KLC1: variants seen among roughly 807,000 people sequenced by gnomAD.
The protein encoded by KLC1 is kinesin light chain 1.
Under a neutral mutation model 84.2 loss-of-function variants are expected in KLC1, and 30 were observed. The ratio of observed to expected loss-of-function variants is 0.36; its 90% confidence interval spans 0.27 to 0.48. The LOEUF is 0.48. Among genes scored for constraint, KLC1 ranks in the 20% least tolerant of loss-of-function variants. The pLI, the probability that KLC1 is intolerant of heterozygous loss-of-function variation, is 0.99. For synonymous variants in KLC1, 289 were observed against 293.3 expected (o/e 0.99, Z 0.15); for missense variants, 499 against 805.4 (o/e 0.62, Z 4.60).
Position 103,701,251 on chromosome 14 carries a change from AGCTGGCCC to A in KLC1, c.*54_*61del. ...GATGGGACTGCCGAGTGTGGCCCGGAGCTGGCCCGGGACAGCCAGGGCGGCAGGGAGGG... is the reference window on the plus strand; with the variant it reads ...GATGGGACTGCCGAGTGTGGCCCGGAGGGACAGCCAGGGCGGCAGGGAGGG... On this transcript the variant is annotated 3_prime_UTR_variant, in exon 17 of 17. Coordinates refer to ENST00000334553, the MANE Select transcript of KLC1 (RefSeq NM_001394837.1). 2 of 1,544,206 alleles carry A rather than the reference AGCTGGCCC, an allele frequency of 1.3e-6. No homozygotes were observed. Among genetic ancestry groups the A allele is most frequent in the Non-Finnish European group, 1.8e-6 (2 of 1,142,304 alleles).
At chr14:103,641,610 T>G (rs2077497471) in intron 1 of KLC1, among the ~76,000 whole-genome samples, 1 of 152,032 alleles carries the variant, frequency 6.6e-6, no homozygotes, top group Non-Finnish European at 1.5e-5. Context: ...AATAATTATT[T>G]TTTTGAGACA....
At chr14:103,634,609 G>A (rs1188185733) in intron 1 of KLC1, among the ~76,000 whole-genome samples, 1 of 152,136 alleles carries the variant, frequency 6.6e-6, no homozygotes, top group African/African-American at 2.4e-5. Context: ...TAAGAGGAGA[G>A]GGTCCTGGGA....
At chr14:103,679,869 T>G (rs775932629) in intron 13 of KLC1, 1 of 244,294 alleles carries the variant, frequency 4.1e-6, no homozygotes, top group African/African-American at 2.2e-5. Flanking sequence ...CTAACTTGCT[T>G]CTTTAACTCA....
At chr14:103,688,160 T>C (rs2081898939) in intron 14 of KLC1, 1 of 152,266 alleles carries the variant, frequency 6.6e-6, no homozygotes, top group Admixed American at 6.5e-5. Context: ...TTTTTCGTTG[T>C]TGTTGTTGAG....
chr14:103,673,255 C>T (rs1413258706), intron 8 of KLC1, 68 bp downstream of exon 8: 24 of 1,563,780 alleles, frequency 1.5e-5, no homozygotes, highest in South Asian at 1.2e-5. Flanking sequence ...AACACTTTCT[C>T]ATTTAACTGG....
At chr14:103,696,520 T>TAAGA in intron 15 of KLC1, 1 of 985,460 alleles carries the variant, frequency 1.0e-6, no homozygotes, top group Non-Finnish European at 1.2e-6. Context: ...GTATGGAATT[T>TAAGA]TCTTGGAGGA....
intron 1 of KLC1, among the ~76,000 whole-genome samples, chr14:103,629,777 T>G (rs903365829): frequency 6.6e-6 from 1 of 151,896 alleles, no homozygotes; most frequent in Non-Finnish European, 1.5e-5. Context: ...CGCGTCCCAC[T>G]GCAGGTTCCG....
At chr14:103,691,618 G>C (rs1257808464) in intron 14 of KLC1, among the ~76,000 whole-genome samples, 3 of 151,856 alleles carry the variant, frequency 2.0e-5, no homozygotes, top group African/African-American at 7.3e-5. Flanking sequence ...ACAGGCACAT[G>C]CCACCATGCC....
chr14:103,687,299 C>T, intron 14 of KLC1, 88 bp downstream of exon 14: 1 of 1,321,058 alleles, frequency 7.6e-7, no homozygotes. Context: ...CACCCACAGA[C>T]TTGAGGAAAG....
chr14:103,699,616 T>TCC (rs779960012), intron 15 of KLC1: 1 of 1,604,834 alleles, frequency 6.2e-7, no homozygotes, highest in South Asian at 1.1e-5. Flanking sequence ...GGTCAGCAAG[T>TCC]CCCCGCCCCA....
chr14:103,698,420 G>C, intron 15 of KLC1: 1 of 320,010 alleles, frequency 3.1e-6, no homozygotes, highest in East Asian at 8.6e-5. Flanking sequence ...AGCCCAGGGG[G>C]CAGGCCTCAG....
In KLC1 at chr14:103,699,303, C is replaced by T. The variant is rs3212113; in HGVS notation, c.1849-1352C>T. ...CACCCGCCCCACCTCCAGACCGGCT[C>T]TGCTTCCGCATCCTGGCTAAAAATA... On this transcript the variant is annotated intron_variant, in intron 15 of 16. Transcript: ENST00000334553. The T allele has an allele frequency of 1.7e-5, 26 of 1,549,382 alleles. No homozygotes were observed. The Admixed American group carries it at 4.3e-4, about 26-fold the overall frequency.
In KLC1 at chr14:103,673,145, G is replaced by A; in HGVS notation, c.1119G>A (p.Leu373=). 1 of 1,613,948 alleles carries A rather than the reference G, an allele frequency of 6.2e-7. No individual in the cohort carries two copies. Among genetic ancestry groups the A allele is most frequent in the African/African-American group, 1.3e-5 (1 of 74,986 alleles). Residue 373 remains leucine, a synonymous_variant, in exon 8 of 17, where the codon CTG becomes CTA. Coordinates refer to ENST00000334553, the MANE Select transcript of KLC1 (RefSeq NM_001394837.1). The part of the protein sequence containing the change: ...QRALEIYQTK[L]GPDDPNVAKT... ...CCCTCGAGATCTACCAGACAAAACT[G>A]GGACCTGATGACCCCAACGTGGCTA...
At position 103,696,128 on chromosome 14, in the gene KLC1, G is replaced by T. The variant is rs946448242; in HGVS notation, c.1848+3703G>T. 2.1e-5 allele frequency: 20 copies of T among 963,322 alleles called. 1 individual carries two copies. The Admixed American group carries it at 3.8e-4, about 18-fold the overall frequency. The allele number at this position is 963,322 out of a possible 1,614,324, so 59.7% of individuals were successfully genotyped here. ...CCGCCCCCCCCCACAGCAGCCGTGT[G>T]TGCAGCGCCCGTCCCCAGCAACCAT... On this transcript the variant is annotated intron_variant, in intron 15 of 16. Coordinates refer to ENST00000334553, the MANE Select transcript of KLC1 (RefSeq NM_001394837.1).
intron 15 of KLC1, 63 bp from the exon 16 acceptor site, chr14:103,700,592 T>C (rs2083092533): frequency 1.3e-5 from 18 of 1,377,458 alleles, no homozygotes; most frequent in Non-Finnish European, 1.8e-5. Context: ...CGCCCGGAGC[T>C]CTGAAGACGC....
At chr14:103,684,723 CGTGT>C (rs371469182) in intron 13 of KLC1, 18 of 444,068 alleles carry the variant, frequency 4.1e-5, no homozygotes, top group East Asian at 1.3e-4. Context: ...TGTGTGCACG[CGTGT>C]GTGTGTGTGT....
chr14:103,701,082 A>C, intron 16 of KLC1, 119 bp from the exon 17 acceptor site: 1 of 1,271,386 alleles, frequency 7.9e-7, no homozygotes. Context: ...AACCAGCAAC[A>C]CCCTCTTCTC....
intron 1 of KLC1, among the ~76,000 whole-genome samples, chr14:103,641,992 A>G (rs144158891): frequency 0.016 from 2,465 of 152,092 alleles, 63 homozygotes; most frequent in African/African-American, 0.056. Flanking sequence ...GTGCAGTGGC[A>G]TGATCTCAGC....
chr14:103,678,827 T>C (rs1296568010), intron 12 of KLC1, among the ~76,000 whole-genome samples: 2 of 152,164 alleles, frequency 1.3e-5, no homozygotes, highest in Non-Finnish European at 2.9e-5. Context: ...AGGACCTGAA[T>C]ACACATTTTA....
Sources: gnomAD v4.1 joint callset for allele counts (sites outside exome capture counted in the v4.1 genomes callset) on GRCh38, gnomAD v4.1.1 for gene constraint, MANE v1.5 for transcripts, NCBI Gene and HGNC (gene_info 2026-07-23, HGNC 2026-07-21) for gene names.